AOX1: variants seen among roughly 807,000 people sequenced by gnomAD.
AOX1 encodes aldehyde oxidase 1, also known as aldehyde oxidase.
In AOX1, 153 loss-of-function variants were observed where a neutral mutation model predicts 169.5. The observed-to-expected ratio is 0.90, with a 90% CI of 0.79 to 1.03. The LOEUF (loss-of-function observed/expected upper bound fraction) is 1.03. AOX1 is among the 50% of genes least tolerant of loss of function. The probability of loss-of-function intolerance (pLI) is 0.00; values close to 1 mark genes in which losing one functional copy is unlikely to be tolerated. For synonymous variants in AOX1, 562 were observed against 581.9 expected, an observed-to-expected ratio of 0.97 and a Z score of 0.49; for missense variants, 1,656 against 1,663.9, an observed-to-expected ratio of 1.00 and a Z score of 0.08.
At chr2:200,599,011 A>G (rs1406424993) in intron 4 of AOX1, among the ~76,000 whole-genome samples, 5 of 152,208 alleles carry the variant, frequency 3.3e-5, no homozygotes. Flanking sequence ...ACAGGCATAC[A>G]ATACCCTTTC....
In AOX1 at chr2:200,641,236, A is replaced by G. The variant is rs776912253; in HGVS notation, c.2655+52A>G. ...ATTCCTGAAAAGAGTGTTACATAAA[A>G]TAATTTAACTTAGAAAATGCCCAAT... On this transcript the variant is annotated intron_variant, in intron 24 of 34. Coordinates refer to ENST00000374700, the MANE Select transcript of AOX1 (RefSeq NM_001159.4). The G allele has an allele frequency of 2.4e-6, 3 of 1,254,898 alleles. No individual in the cohort carries two copies. The Admixed American group carries it at 5.2e-5, about 22-fold the overall frequency. The allele number at this position is 1,254,898 out of a possible 1,614,324, so 77.7% of individuals were successfully genotyped here. A position where few individuals can be genotyped will look rare whatever the true frequency, so the allele number is the denominator to read the frequency against.
chr2:200,633,044 C>T (rs966144387), intron 20 of AOX1, among the ~76,000 whole-genome samples: 7 of 151,830 alleles, frequency 4.6e-5, no homozygotes, highest in African/African-American at 1.7e-4. Context: ...TTACAGGCAT[C>T]CACCACCATG....
At chr2:200,663,581 C>CTG (rs879286230) in intron 31 of AOX1, among the ~76,000 whole-genome samples, 37,195 of 148,852 alleles carry the variant, frequency 0.25, 4,954 homozygotes, top group East Asian at 0.5. Flanking sequence ...CACTCTCTCT[C>CTG]TCTCTCTCTC....
At position 200,659,184 on chromosome 2, in the gene AOX1, G is replaced by C; in HGVS notation, c.3191G>C (p.Arg1064Thr). The C allele has an allele frequency of 6.2e-7, 1 of 1,613,874 alleles. No homozygotes were observed. The highest frequency in any genetic ancestry group is 8.5e-7 in the Non-Finnish European group (1 of 1,179,878). ...KMIQVVSREL[R>T]MPMSNVHLRG... is the part of the protein sequence containing the mutation. ...ATTCAGGTGGTCAGCCGTGAATTAA[G>C]AATGCCAATGTCGAATGTCCACCTG... Residue 1064 changes from arginine (R) to threonine (T), a missense_variant, in exon 28 of 35, where the codon AGA becomes ACA. Arg to Thr is a moderately conservative substitution (Grantham distance 71). Coordinates refer to ENST00000374700, the MANE Select transcript of AOX1 (RefSeq NM_001159.4).
intron 16 of AOX1, among the ~76,000 whole-genome samples, chr2:200,618,415 T>C (rs1292646383): frequency 1.3e-5 from 2 of 152,246 alleles, no homozygotes; most frequent in Non-Finnish European, 2.9e-5. Context: ...AAATGCATCC[T>C]ACACACATGT....
intron 13 of AOX1, 76 bp downstream of exon 13, chr2:200,611,569 T>A: frequency 2.1e-6 from 2 of 968,538 alleles, no homozygotes; most frequent in African/African-American, 3.2e-5. Flanking sequence ...TATGGTGGAA[T>A]AAGAAAAAGG....
intron 1 of AOX1, among the ~76,000 whole-genome samples, chr2:200,589,638 A>G (rs1188603758): frequency 1.3e-5 from 2 of 152,244 alleles, no homozygotes; most frequent in Admixed American, 6.5e-5. Context: ...CACAGTAAAC[A>G]GATTGTAAAT....
intron 29 of AOX1, among the ~76,000 whole-genome samples, chr2:200,660,362 G>A (rs978108442): frequency 6.6e-6 from 1 of 152,200 alleles, no homozygotes; most frequent in Non-Finnish European, 1.5e-5. Flanking sequence ...TAGCCTAGGG[G>A]TTGTCTAGAT....
rs2035762507 is a variant in AOX1, at chr2:200,659,277, A to G, written c.3284A>G (p.Asn1095Ser). The change falls in exon 28 of 35, where the codon AAC becomes AGC. Residue 1095 changes from asparagine to serine, a missense_variant. Asn to Ser is a conservative substitution (Grantham distance 46). Transcript: ENST00000374700. ...GGAGGTTCTGTGGTGGCAGATCTCA[A>G]CGGTTTGGCAGTAAAGGTAACAGTC... ...ISGGSVVADL[N>S]GLAVKDACQT... 1.2e-6 allele frequency: 2 copies of G among 1,613,090 alleles called. No individual in the cohort carries two copies. The highest frequency in any genetic ancestry group is 2.7e-5 in the African/African-American group (2 of 74,884).
intron 24 of AOX1, 132 bp downstream of exon 24, chr2:200,641,316 A>G (rs569718326): frequency 6.7e-6 from 4 of 599,166 alleles, no homozygotes; most frequent in African/African-American, 5.6e-5. Flanking sequence ...AGGGATAGCC[A>G]TGTGTTACTT....
At chr2:200,665,177 C>T (rs6435060) in intron 31 of AOX1, among the ~76,000 whole-genome samples, 72,982 of 152,090 alleles carry the variant, frequency 0.48, 18,505 homozygotes, top group East Asian at 0.8. Context: ...AGAGCATGTG[C>T]AAGCGAGAGA....
At chr2:200,674,116 G>C (rs996426520), downstream of AOX1, among the ~76,000 whole-genome samples, 1 of 152,234 alleles carries the variant, frequency 6.6e-6, no homozygotes. Flanking sequence ...AGTGGCCCAC[G>C]CCGGTGCTTC....
chr2:200,590,350 A>T (rs1336462570), intron 1 of AOX1, among the ~76,000 whole-genome samples: 2 of 152,202 alleles, frequency 1.3e-5, no homozygotes, highest in African/African-American at 4.8e-5. Flanking sequence ...ATTCAAGACT[A>T]TGCTGAGATG....
intron 1 of AOX1, among the ~76,000 whole-genome samples, chr2:200,592,651 G>A (rs2034198565): frequency 6.6e-6 from 1 of 151,990 alleles, no homozygotes; most frequent in Admixed American, 6.6e-5. Context: ...ATTTGATTGG[G>A]GCCATGGCTG....
chr2:200,675,582 T>C (rs1395111874), downstream of AOX1, among the ~76,000 whole-genome samples: 1 of 152,206 alleles, frequency 6.6e-6, no homozygotes, highest in Non-Finnish European at 1.5e-5. Flanking sequence ...CTCCAGGAAT[T>C]TGTCCAACAG....
In AOX1 at chr2:200,634,774, G is replaced by A. The variant is rs950371875; in HGVS notation, c.2222-17G>A. On this transcript the variant is annotated splice_polypyrimidine_tract_variant and intron_variant, in intron 20 of 34. Transcript: ENST00000374700. Reference sequence around the variant, plus strand: ...TTCTGACTGCTTCCTTGACTTTTATGTATTTTCCTGTAACAGGTGAAATAC... The same window carrying A: ...TTCTGACTGCTTCCTTGACTTTTATATATTTTCCTGTAACAGGTGAAATAC... The A allele has an allele frequency of 3.1e-6, 5 of 1,613,340 alleles. No individual in the cohort carries two copies. Among genetic ancestry groups the A allele is most frequent in the Non-Finnish European group, 4.2e-6 (5 of 1,179,692 alleles).
chr2:200,635,707 AAT>A (rs779382434), intron 21 of AOX1, among the ~76,000 whole-genome samples: 3 of 152,210 alleles, frequency 2.0e-5, no homozygotes, highest in Non-Finnish European at 4.4e-5. Flanking sequence ...AGGAAGGAGG[AAT>A]AGCACAATGA....
intron 32 of AOX1, among the ~76,000 whole-genome samples, chr2:200,667,126 C>A (rs1278415985): frequency 6.6e-6 from 1 of 152,162 alleles, no homozygotes; most frequent in Non-Finnish European, 1.5e-5. Flanking sequence ...GATAACAAGC[C>A]TCAAGTCATC....
At chr2:200,641,820 C>A (rs2035357292) in intron 24 of AOX1, among the ~76,000 whole-genome samples, 1 of 152,114 alleles carries the variant, frequency 6.6e-6, no homozygotes, top group Admixed American at 6.5e-5. Flanking sequence ...AGGCGTGAGC[C>A]ACTGTGTCCA....
Sources: gnomAD v4.1 joint callset for allele counts (sites outside exome capture counted in the v4.1 genomes callset) on GRCh38, gnomAD v4.1.1 for gene constraint, MANE v1.5 for transcripts, NCBI Gene and HGNC (gene_info 2026-07-23, HGNC 2026-07-21) for gene names.